FNBP1: variants seen among roughly 807,000 people sequenced by gnomAD.
The protein encoded by FNBP1 is formin binding protein 1, also known as formin-binding protein 1.
In FNBP1, 26 loss-of-function variants were observed where a neutral mutation model predicts 90.6. The observed-to-expected ratio is 0.29, with a 90% confidence interval of 0.21 to 0.40. The LOEUF (loss-of-function observed/expected upper bound fraction) is 0.40, where lower values mean the gene tolerates loss of function less well. Ranked by LOEUF, FNBP1 falls within the 10% of genes least tolerant of loss-of-function variation. FNBP1 has a pLI of 1.00. For missense variants in FNBP1, 635 were observed against 768.0 expected, an observed-to-expected ratio of 0.83 and a Z score of 2.05; for synonymous variants, 260 against 265.2, an observed-to-expected ratio of 0.98 and a Z score of 0.19.
chr9:129,938,353 C>T (rs182806338), intron 6 of FNBP1, among the ~76,000 whole-genome samples: 1 of 152,192 alleles, frequency 6.6e-6, no homozygotes, highest in Admixed American at 6.5e-5. Context: ...ACTAAGAATG[C>T]ATTTAAAAAT....
intron 3 of FNBP1, 149 bp downstream of exon 3, chr9:129,979,169 T>C (rs138673001): frequency 1.9e-4 from 101 of 535,686 alleles, no homozygotes; most frequent in Admixed American, 6.8e-4. Context: ...AAGTTAATTA[T>C]GTTTTTATTG....
chr9:129,950,549 GA>G (rs1230809110), intron 6 of FNBP1, among the ~76,000 whole-genome samples: 1 of 152,098 alleles, frequency 6.6e-6, no homozygotes, highest in African/African-American at 2.4e-5. Context: ...GAAAAACAAA[GA>G]AAAAAGTCAT....
chr9:129,960,511 A>T lies in FNBP1; in HGVS notation c.346-1958T>A, dbSNP rs569773085. On this transcript the variant is annotated intron_variant, in intron 4 of 16. Coordinates refer to ENST00000446176, the MANE Select transcript of FNBP1 (RefSeq NM_015033.3). ...TTTTCATTATTAGATTATTTTAAATATAAAGATAAATTTCCCTCCTGGCCA... is the reference window on the plus strand; with the variant it reads ...TTTTCATTATTAGATTATTTTAAATTTAAAGATAAATTTCCCTCCTGGCCA... 8.4e-4 allele frequency among the ~76,000 whole-genome samples: 128 copies of T among 152,224 alleles called. 2 individuals are homozygous for T. In the South Asian group the frequency reaches 0.022, roughly 26 times the overall value.
At chr9:129,896,132 T>G in intron 15 of FNBP1, 136 bp from the exon 16 acceptor site, 1 of 812,304 alleles carries the variant, frequency 1.2e-6, no homozygotes, top group South Asian at 1.7e-5. Context: ...CCTTCTCAGA[T>G]GCACGGACCC....
chr9:129,988,233 C>T (rs1005879378), intron 2 of FNBP1, among the ~76,000 whole-genome samples: 3 of 152,000 alleles, frequency 2.0e-5, no homozygotes, highest in Non-Finnish European at 2.9e-5. Context: ...CACTGCACTC[C>T]AGCCTGGGTG....
chr9:129,924,171 T>C (rs745797792), intron 9 of FNBP1, 145 bp from the exon 10 acceptor site: 32 of 769,362 alleles, frequency 4.2e-5, no homozygotes, highest in Non-Finnish European at 6.3e-5. Context: ...AAAGAAAACA[T>C]GTAGGAGGTG....
At chr9:130,013,067 C>G (rs1387984831) in intron 1 of FNBP1, among the ~76,000 whole-genome samples, 1 of 152,182 alleles carries the variant, frequency 6.6e-6, no homozygotes, top group Admixed American at 6.5e-5. Flanking sequence ...AAAATACAAA[C>G]TGGGAGAAGA....
chr9:130,008,218 A>T (rs984499830), intron 1 of FNBP1, among the ~76,000 whole-genome samples: 6 of 151,746 alleles, frequency 4.0e-5, no homozygotes, highest in African/African-American at 1.2e-4. Flanking sequence ...GTGTGGTGTC[A>T]TGCGCCTGTG....
In FNBP1 at chr9:129,925,000, T is replaced by C. The variant is rs199797411; in HGVS notation, c.947A>G (p.Lys316Arg). The C allele has an allele frequency of 1.2e-5, 19 of 1,613,894 alleles. No individual in the cohort carries two copies. The East Asian group carries it at 3.1e-4, about 26-fold the overall frequency. ...EGKPDLKFGGKSKGKLWPFIK... is the reference protein window; with the variant it reads ...EGKPDLKFGGRSKGKLWPFIK... ...GAACGGCCATAACTTTCCTTTGGATTTGCCACCAAATTTGAGGTCTGGTTT... is the reference window on the plus strand; with the variant it reads ...GAACGGCCATAACTTTCCTTTGGATCTGCCACCAAATTTGAGGTCTGGTTT... The change falls in exon 9 of 17, where the codon AAA becomes AGA. Residue 316 changes from lysine (K) to arginine (R), a missense_variant. Physicochemically the swap from Lys to Arg is conservative, Grantham distance 26. Transcript: ENST00000446176.
chr9:130,010,009 G>A (rs1439235081), intron 1 of FNBP1, among the ~76,000 whole-genome samples: 2 of 151,000 alleles, frequency 1.3e-5, no homozygotes, highest in Admixed American at 1.3e-4. Flanking sequence ...ATCGCTAAGA[G>A]GCAATTTTTG....
At chr9:129,928,685 A>G (rs2042282301) in intron 7 of FNBP1, among the ~76,000 whole-genome samples, 1 of 152,086 alleles carries the variant, frequency 6.6e-6, no homozygotes, top group South Asian at 2.1e-4. Context: ...AAAAAAGAAA[A>G]AAAGAAAAAA....
At chr9:129,915,924 A>G in intron 11 of FNBP1, 42 bp downstream of exon 11, 1 of 1,520,262 alleles carries the variant, frequency 6.6e-7, no homozygotes, top group East Asian at 2.3e-5. Context: ...ACGCCAGAAA[A>G]CCTGATTAGA....
intron 6 of FNBP1, among the ~76,000 whole-genome samples, chr9:129,949,753 G>A (rs1454276736): frequency 6.6e-6 from 1 of 151,872 alleles, no homozygotes; most frequent in Admixed American, 6.6e-5. Flanking sequence ...TGAACACAGT[G>A]CTAATAAAAA....
chr9:129,972,910 T>C (rs1344419884), intron 4 of FNBP1, among the ~76,000 whole-genome samples: 1 of 152,216 alleles, frequency 6.6e-6, no homozygotes, highest in African/African-American at 2.4e-5. Context: ...AAACTGGATA[T>C]GCAGCATCTA....
At chr9:129,967,875 T>A (rs866902622) in intron 4 of FNBP1, among the ~76,000 whole-genome samples, 5 of 151,758 alleles carry the variant, frequency 3.3e-5, no homozygotes, top group Non-Finnish European at 7.4e-5. Flanking sequence ...TAAAAAGAAA[T>A]TTTTTTTTGA....
At chr9:129,965,636 A>G (rs1369044539) in intron 4 of FNBP1, among the ~76,000 whole-genome samples, 3 of 152,008 alleles carry the variant, frequency 2.0e-5, no homozygotes, top group Admixed American at 2.0e-4. Context: ...TGAGGCCAGG[A>G]GTTTGAGACC....
chr9:129,968,808 C>T (rs2049005270), intron 4 of FNBP1, among the ~76,000 whole-genome samples: 1 of 152,162 alleles, frequency 6.6e-6, no homozygotes, highest in African/African-American at 2.4e-5. Context: ...TCCTCTAGAA[C>T]TCTTCAGATA....
chr9:129,892,103 A>T (rs1433610127), intron 16 of FNBP1, among the ~76,000 whole-genome samples: 1 of 152,184 alleles, frequency 6.6e-6, no homozygotes, highest in Non-Finnish European at 1.5e-5. Context: ...CGGCAGTTAT[A>T]AAAACAGAAA....
intron 15 of FNBP1, among the ~76,000 whole-genome samples, chr9:129,897,975 G>A (rs903106629): frequency 2.6e-5 from 4 of 151,788 alleles, no homozygotes; most frequent in Non-Finnish European, 4.4e-5. Context: ...GATTACAGGC[G>A]CCCGCCACCA....
Sources: allele counts gnomAD v4.1 joint callset (sites outside exome capture counted in the v4.1 genomes callset), GRCh38; gene constraint gnomAD v4.1.1; transcripts MANE v1.5; gene names NCBI Gene and HGNC (gene_info 2026-07-23, HGNC 2026-07-21).